Variants in CMTM8 observed in about 807,000 individuals in gnomAD.
CMTM8 encodes CKLF-like MARVEL transmembrane domain-containing protein 8.
A neutral mutation model predicts 18.6 loss-of-function variants in CMTM8; 12 were observed. That is an observed-to-expected ratio of 0.65 (90% CI 0.41 to 1.05). CMTM8 has a LOEUF of 1.05. CMTM8 is among the 50% of genes least tolerant of loss of function. The pLI, the probability that CMTM8 is intolerant of heterozygous loss-of-function variation, is 0.00. For synonymous variants in CMTM8, 87 were observed against 90.6 expected, an observed-to-expected ratio of 0.96 and a Z score of 0.23; for missense variants, 217 against 227.2, an observed-to-expected ratio of 0.95 and a Z score of 0.29.
rs970040000 is a variant in CMTM8 at position 32,288,450 on chromosome 3, T to A, written c.147+49331T>A. Among the ~76,000 whole-genome samples the A allele has an allele frequency of 7.2e-5, 11 of 151,978 alleles. No homozygotes were observed. The South Asian group carries it at 8.3e-4, about 11-fold the overall frequency. ...CACCCACCACACCCAGCTAATTTTT[T>A]AAAAACTTTTTTGTAGAGATGGGGG... On this transcript the variant is annotated intron_variant, in intron 1 of 3. Coordinates refer to ENST00000307526, the MANE Select transcript of CMTM8 (RefSeq NM_178868.5).
intron 1 of CMTM8, among the ~76,000 whole-genome samples, chr3:32,266,715 A>C (rs1283211274): frequency 2.0e-5 from 3 of 152,338 alleles, no homozygotes; most frequent in African/African-American, 4.8e-5. Flanking sequence ...CCATCATCTC[A>C]GCCCAAAATC....
At chr3:32,281,066 C>G (rs1044392322) in intron 1 of CMTM8, among the ~76,000 whole-genome samples, 1 of 151,988 alleles carries the variant, frequency 6.6e-6, no homozygotes, top group Non-Finnish European at 1.5e-5. Flanking sequence ...CCTGGAACTC[C>G]CCAAGCCCCA....
intron 2 of CMTM8, among the ~76,000 whole-genome samples, chr3:32,362,999 A>G (rs1409675321): frequency 6.6e-6 from 1 of 150,878 alleles, no homozygotes; most frequent in Admixed American, 6.7e-5. Flanking sequence ...AGCTGATACA[A>G]TCATTAAACA....
At chr3:32,283,404 G>A (rs945389362) in intron 1 of CMTM8, among the ~76,000 whole-genome samples, 8 of 152,168 alleles carry the variant, frequency 5.3e-5, no homozygotes, top group Non-Finnish European at 7.4e-5. Flanking sequence ...CAGACTGAGC[G>A]CTTGCTATCT....
At chr3:32,311,690 T>TC (rs778981119) in intron 1 of CMTM8, among the ~76,000 whole-genome samples, 3 of 152,108 alleles carry the variant, frequency 2.0e-5, no homozygotes, top group Non-Finnish European at 2.9e-5. Context: ...TAGTTCTTTT[T>TC]CCCCCCACAC....
At chr3:32,324,585 C>CT (rs1027118278) in intron 1 of CMTM8, among the ~76,000 whole-genome samples, 5 of 152,158 alleles carry the variant, frequency 3.3e-5, no homozygotes, top group African/African-American at 7.2e-5. Flanking sequence ...GCAGATGGTC[C>CT]TTTTTTTCCT....
intron 1 of CMTM8, among the ~76,000 whole-genome samples, chr3:32,355,304 C>T (rs1244325987): frequency 6.6e-6 from 1 of 152,160 alleles, no homozygotes; most frequent in Non-Finnish European, 1.5e-5. Context: ...ATGAACAACA[C>T]TCCTTTAGCC....
chr3:32,339,115 C>T (rs536535532), intron 1 of CMTM8, among the ~76,000 whole-genome samples: 1 of 152,292 alleles, frequency 6.6e-6, no homozygotes, highest in Non-Finnish European at 1.5e-5. Context: ...TTCTGTTCAT[C>T]AAAAGCAAGT....
intron 1 of CMTM8, among the ~76,000 whole-genome samples, chr3:32,311,845 C>T (rs1695825823): frequency 6.6e-6 from 1 of 152,180 alleles, no homozygotes; most frequent in Non-Finnish European, 1.5e-5. Flanking sequence ...GTAGTAGGTC[C>T]TGTTGACCTA....
chr3:32,249,211 T>C (rs935840705), intron 1 of CMTM8, among the ~76,000 whole-genome samples: 4 of 151,690 alleles, frequency 2.6e-5, no homozygotes, highest in African/African-American at 4.8e-5. Context: ...GGCAGATCGC[T>C]TGAGCCCAGG....
intron 1 of CMTM8, among the ~76,000 whole-genome samples, chr3:32,268,855 A>G (rs1011118472): frequency 1.3e-5 from 2 of 152,138 alleles, no homozygotes; most frequent in Non-Finnish European, 1.5e-5. Flanking sequence ...CTCATTCCTT[A>G]TCTTGCCTTG....
chr3:32,323,839 C>T (rs1449525250), intron 1 of CMTM8, among the ~76,000 whole-genome samples: 2 of 152,206 alleles, frequency 1.3e-5, no homozygotes, highest in East Asian at 3.8e-4. Context: ...ATAAAATCAA[C>T]ACTATCAAGT....
intron 1 of CMTM8, among the ~76,000 whole-genome samples, chr3:32,291,584 A>C (rs1702780031): frequency 6.6e-6 from 1 of 152,242 alleles, no homozygotes. Flanking sequence ...AAAGCTACAT[A>C]GCTAGAAAGT....
At chr3:32,293,479 C>T (rs992449060) in intron 1 of CMTM8, among the ~76,000 whole-genome samples, 3 of 152,154 alleles carry the variant, frequency 2.0e-5, no homozygotes, top group Admixed American at 1.3e-4. Context: ...ATCCGGGAGG[C>T]GGAGGTTGCA....
intron 1 of CMTM8, among the ~76,000 whole-genome samples, chr3:32,295,340 C>A (rs1265643450): frequency 6.6e-6 from 1 of 151,094 alleles, no homozygotes; most frequent in Non-Finnish European, 1.5e-5. Context: ...CCTGTAGTCT[C>A]AGCTACTCGG....
chr3:32,339,160 A>G (rs139654633), intron 1 of CMTM8, among the ~76,000 whole-genome samples: 6 of 152,366 alleles, frequency 3.9e-5, no homozygotes, highest in Admixed American at 6.5e-5. Flanking sequence ...AAGAGCATCA[A>G]AGAATTTGTG....
chr3:32,278,658 T>G (rs1013881896), intron 1 of CMTM8, among the ~76,000 whole-genome samples: 1 of 152,202 alleles, frequency 6.6e-6, no homozygotes, highest in African/African-American at 2.4e-5. Flanking sequence ...AGCCCCATGC[T>G]TCCCTTCCCA....
rs139511374 is a variant in CMTM8 at position 32,322,218 on chromosome 3, T to C, written c.148-35155T>C. On this transcript the variant is annotated intron_variant, in intron 1 of 3. Transcript: ENST00000307526. ...GAACCCAACTGAGTGTGCAGTCCAATTCAGATTATTCTGACATGGCACATT... is the reference window on the plus strand; with the variant it reads ...GAACCCAACTGAGTGTGCAGTCCAACTCAGATTATTCTGACATGGCACATT... Among the ~76,000 whole-genome samples the C allele has an allele frequency of 2.6e-5, 4 of 152,350 alleles. No homozygotes were observed. In the East Asian group the frequency reaches 7.7e-4, roughly 29 times the overall value.
At chr3:32,312,650 C>T (rs138165804) in intron 1 of CMTM8, among the ~76,000 whole-genome samples, 178 of 152,148 alleles carry the variant, frequency 1.2e-3, no homozygotes, top group Non-Finnish European at 2.0e-3. Context: ...GACAGAAGCA[C>T]GCTAGATTAA....
Sources: gnomAD v4.1 joint callset for allele counts (sites outside exome capture counted in the v4.1 genomes callset) on GRCh38, gnomAD v4.1.1 for gene constraint, MANE v1.5 for transcripts, NCBI Gene and HGNC (gene_info 2026-07-23, HGNC 2026-07-21) for gene names.